CCDC85A: variants seen among roughly 807,000 people sequenced by gnomAD.
The protein encoded by CCDC85A is coiled-coil domain containing 85A.
Under a neutral mutation model 50.2 loss-of-function variants are expected in CCDC85A, and 38 were observed. The ratio of observed to expected loss-of-function variants is 0.76; its 90% CI spans 0.58 to 0.99. CCDC85A has a LOEUF of 0.99. Among genes scored for constraint, CCDC85A ranks in the 50% least tolerant of loss-of-function variants. The pLI is 0.00. For missense variants in CCDC85A, 820 were observed against 742.0 expected (o/e 1.11, Z -1.22); for synonymous variants, 366 against 301.4 (o/e 1.21, Z -2.22).
At chr2:56,256,568 C>T (rs1669992573) in intron 2 of CCDC85A, among the ~76,000 whole-genome samples, 2 of 152,204 alleles carry the variant, frequency 1.3e-5, no homozygotes, top group Admixed American at 1.3e-4. Context: ...TAATTCGCAA[C>T]TCAGATATTT....
chr2:56,252,506 G>A (rs1008266127), intron 2 of CCDC85A, among the ~76,000 whole-genome samples: 1 of 152,110 alleles, frequency 6.6e-6, no homozygotes, highest in African/African-American at 2.4e-5. Context: ...GTACGTAAAA[G>A]GAGAATTGCA....
chr2:56,318,852 A>G (rs946155570), intron 2 of CCDC85A, among the ~76,000 whole-genome samples: 4 of 152,284 alleles, frequency 2.6e-5, no homozygotes, highest in Non-Finnish European at 2.9e-5. Flanking sequence ...AGTGCACTCA[A>G]TGAAAACTGC....
intron 2 of CCDC85A, among the ~76,000 whole-genome samples, chr2:56,247,017 A>G (rs1210463829): frequency 1.3e-5 from 2 of 152,218 alleles, no homozygotes; most frequent in East Asian, 3.9e-4. Flanking sequence ...ATGAAAATTC[A>G]TAAGATTTTC....
At chr2:56,293,330 A>G (rs561225284) in intron 2 of CCDC85A, among the ~76,000 whole-genome samples, 1 of 152,358 alleles carries the variant, frequency 6.6e-6, no homozygotes, top group African/African-American at 2.4e-5. Flanking sequence ...AATTAACTCA[A>G]GATGGATTAA....
intron 2 of CCDC85A, among the ~76,000 whole-genome samples, chr2:56,225,485 A>C (rs747119710): frequency 3.9e-5 from 6 of 152,072 alleles, no homozygotes; most frequent in African/African-American, 1.4e-4. Context: ...ATTCCATTTC[A>C]TTGACCTATA....
intron 2 of CCDC85A, among the ~76,000 whole-genome samples, chr2:56,272,143 A>T (rs1573145237): frequency 6.6e-6 from 1 of 152,208 alleles, no homozygotes; most frequent in Admixed American, 6.5e-5. Context: ...AGCAGACAAG[A>T]GTAAAGTTAT....
intron 2 of CCDC85A, among the ~76,000 whole-genome samples, chr2:56,216,540 A>G (rs1418276983): frequency 6.6e-6 from 1 of 151,796 alleles, no homozygotes; most frequent in Non-Finnish European, 1.5e-5. Context: ...TTCTTCTAAA[A>G]TACCGATTAT....
intron 2 of CCDC85A, among the ~76,000 whole-genome samples, chr2:56,224,724 T>C (rs543445886): frequency 6.6e-6 from 1 of 152,344 alleles, no homozygotes; most frequent in Non-Finnish European, 1.5e-5. Flanking sequence ...CATCCTTTCA[T>C]GTGTTATTGA....
Position 56,292,088 on chromosome 2 carries a change from G to T in CCDC85A, c.1241-50791G>T, listed in dbSNP as rs942032164. ...TGAGATGCAGTATAATTTTCTTTTC[G>T]TTTTTTCTTTTTGAGACGGAGTCTT... On this transcript the variant is annotated intron_variant, in intron 2 of 5. Transcript: ENST00000407595. Among the ~76,000 whole-genome samples the T allele has an allele frequency of 3.9e-5, 6 of 151,958 alleles. No homozygotes were observed. The East Asian group carries it at 1.2e-3, about 29-fold the overall frequency.
intron 2 of CCDC85A, among the ~76,000 whole-genome samples, chr2:56,302,903 G>C (rs1300311595): frequency 6.6e-6 from 1 of 152,090 alleles, no homozygotes; most frequent in African/African-American, 2.4e-5. Flanking sequence ...TACTAACCCT[G>C]TGAGACAAAT....
chr2:56,223,541 G>A (rs1474721255), intron 2 of CCDC85A, among the ~76,000 whole-genome samples: 1 of 152,020 alleles, frequency 6.6e-6, no homozygotes, highest in Non-Finnish European at 1.5e-5. Flanking sequence ...ATATAGATTC[G>A]AATCATTGCT....
chr2:56,316,262 C>T (rs539089040), intron 2 of CCDC85A, among the ~76,000 whole-genome samples: 1 of 152,234 alleles, frequency 6.6e-6, no homozygotes, highest in East Asian at 1.9e-4. Context: ...TCTGGCAGGA[C>T]ACAGTTGGCT....
chr2:56,219,118 G>A (rs913690580), intron 2 of CCDC85A, among the ~76,000 whole-genome samples: 4 of 149,922 alleles, frequency 2.7e-5, no homozygotes, highest in African/African-American at 9.8e-5. Flanking sequence ...TCTTCACACT[G>A]ACATGCATCC....
chr2:56,282,398 T>C (rs1226267517), intron 2 of CCDC85A, among the ~76,000 whole-genome samples: 1 of 152,250 alleles, frequency 6.6e-6, no homozygotes, highest in African/African-American at 2.4e-5. Context: ...AGGTCAAGTA[T>C]ATATTAAAGT....
chr2:56,298,178 T>C (rs1672041552), intron 2 of CCDC85A, among the ~76,000 whole-genome samples: 1 of 152,132 alleles, frequency 6.6e-6, no homozygotes, highest in African/African-American at 2.4e-5. Flanking sequence ...TTCAGGTCAT[T>C]TGAAGCTGAT....
intron 2 of CCDC85A, among the ~76,000 whole-genome samples, chr2:56,261,376 C>T (rs1277407245): frequency 6.6e-6 from 1 of 152,232 alleles, no homozygotes; most frequent in Non-Finnish European, 1.5e-5. Context: ...TCCAAAGTGA[C>T]TCTGGCACAG....
chr2:56,327,693 T>C (rs1037289080), intron 2 of CCDC85A, among the ~76,000 whole-genome samples: 1 of 152,018 alleles, frequency 6.6e-6, no homozygotes, highest in African/African-American at 2.4e-5. Flanking sequence ...TTCCTTAACA[T>C]AGAGATCTGT....
intron 2 of CCDC85A, among the ~76,000 whole-genome samples, chr2:56,290,419 T>C (rs1232170600): frequency 6.6e-6 from 1 of 152,142 alleles, no homozygotes; most frequent in Non-Finnish European, 1.5e-5. Flanking sequence ...ATTTCCTGTG[T>C]TTACAGGTGA....
At chr2:56,211,869 A>G (rs1291463234) in intron 2 of CCDC85A, among the ~76,000 whole-genome samples, 2 of 152,044 alleles carry the variant, frequency 1.3e-5, no homozygotes, top group South Asian at 2.1e-4. Context: ...AATATCTCCC[A>G]TATTCCAAAC....
Sources: allele counts gnomAD v4.1 joint callset (sites outside exome capture counted in the v4.1 genomes callset), GRCh38; gene constraint gnomAD v4.1.1; transcripts MANE v1.5; gene names NCBI Gene and HGNC (gene_info 2026-07-23, HGNC 2026-07-21).